FDFT1: variants seen among roughly 807,000 people sequenced by gnomAD.
The protein encoded by FDFT1 is squalene synthase.
In FDFT1, 68 loss-of-function variants were observed where a neutral mutation model predicts 46.8. The observed-to-expected ratio is 1.45, with a 90% CI of 1.19 to 1.78. The LOEUF (loss-of-function observed/expected upper bound fraction) is 1.78, where lower values mean the gene tolerates loss of function less well. FDFT1 is among the 40% of genes most tolerant of loss of function. The pLI, the probability that FDFT1 is intolerant of heterozygous loss-of-function variation, is 0.00. For missense variants in FDFT1, 928 were observed against 524.4 expected, an observed-to-expected ratio of 1.77 and a Z score of -7.52; for synonymous variants, 351 against 185.1, an observed-to-expected ratio of 1.90 and a Z score of -7.28.
intron 3 of FDFT1, among the ~76,000 whole-genome samples, chr8:11,817,348 T>C (rs1015884710): frequency 6.6e-6 from 1 of 152,224 alleles, no homozygotes; most frequent in Non-Finnish European, 1.5e-5. Flanking sequence ...ATTGTTTGTC[T>C]GCCAGGCTTT....
In FDFT1 at chr8:11,836,671, T is replaced by A. The variant is rs1295228132; in HGVS notation, c.1033-1717T>A. Reference sequence around the variant, plus strand: ...GGCTAAGACAAGCAGTAAAGCAACATGGGCAGGCAGAAGGATGACTTCTAA... The same window carrying A: ...GGCTAAGACAAGCAGTAAAGCAACAAGGGCAGGCAGAAGGATGACTTCTAA... On this transcript the variant is annotated intron_variant, in intron 7 of 7. Transcript: ENST00000220584. Among the ~76,000 whole-genome samples the A allele has an allele frequency of 3.3e-5, 5 of 152,238 alleles. No homozygotes were observed. In the East Asian group the frequency reaches 9.6e-4, roughly 29 times the overall value.
rs1282044414 is a variant in FDFT1, at chr8:11,821,523, G to A, written c.382-227G>A. ...GGAGAATCATTTGAACCTGGGAGGC[G>A]GAGTTTGCAGTGAGCTGAGATCGTG... On this transcript the variant is annotated intron_variant, in intron 3 of 7. Coordinates refer to ENST00000220584, the MANE Select transcript of FDFT1 (RefSeq NM_004462.5). Among the ~76,000 whole-genome samples the A allele has an allele frequency of 1.6e-4, 24 of 152,268 alleles. 1 individual carries two copies. Among genetic ancestry groups the A allele is most frequent in the East Asian group, 9.7e-4 (5 of 5,180 alleles).
At position 11,802,928 on chromosome 8, in the gene FDFT1, C is replaced by G. The variant is rs756222133; in HGVS notation, c.96C>G (p.Asp32Glu). ...GGKRKVMPKM[D>E]QDSLSSSLKT... ...AGCGGAAGGTGATGCCCAAGATGGA[C>G]CAGGTGGGCCGAGCCTCCCTGCTTG... The change falls in exon 1 of 8, where the codon GAC becomes GAG. Residue 32 changes from aspartate to glutamate, a missense_variant. By Grantham distance (45) the Asp-to-Glu change is conservative (BLOSUM62 2). Coordinates refer to ENST00000220584, the MANE Select transcript of FDFT1 (RefSeq NM_004462.5). The G allele has an allele frequency of 4.4e-6, 7 of 1,605,140 alleles. No individual in the cohort carries two copies. In the African/African-American group the frequency reaches 9.4e-5, roughly 22 times the overall value.
chr8:11,818,896 T>C lies in FDFT1; in HGVS notation c.382-2854T>C, dbSNP rs557631816. ...TATGTTTGAATTTGATCTGTCATTA[T>C]GATGTTTGCTGGTTATTTTGCCCAT... On this transcript the variant is annotated intron_variant, in intron 3 of 7. Coordinates refer to ENST00000220584, the MANE Select transcript of FDFT1 (RefSeq NM_004462.5). 5.9e-5 allele frequency among the ~76,000 whole-genome samples: 9 copies of C among 152,362 alleles called. No individual in the cohort carries two copies. In the East Asian group the frequency reaches 1.7e-3, roughly 29 times the overall value.
intron 5 of FDFT1, among the ~76,000 whole-genome samples, chr8:11,827,343 G>GA (rs1810139935): frequency 6.6e-6 from 1 of 151,988 alleles, no homozygotes; most frequent in African/African-American, 2.4e-5. Flanking sequence ...AAAGAAAGTA[G>GA]AAAAAATAAA....
At chr8:11,801,851 A>T, upstream of FDFT1, 1 of 415,946 alleles carries the variant, frequency 2.4e-6, no homozygotes, top group Non-Finnish European at 4.7e-6. Flanking sequence ...CCACCACCAC[A>T]CTCGGCTTTT....
At chr8:11,834,145 T>G (rs748521128) in intron 7 of FDFT1, among the ~76,000 whole-genome samples, 2 of 152,214 alleles carry the variant, frequency 1.3e-5, no homozygotes, top group Non-Finnish European at 2.9e-5. Flanking sequence ...CTGGACTTAG[T>G]GTTGTAGCGA....
intron 3 of FDFT1, among the ~76,000 whole-genome samples, chr8:11,814,366 T>TTATGTG (rs1478830143): frequency 1.3e-5 from 2 of 149,426 alleles, no homozygotes; most frequent in African/African-American, 2.5e-5. Flanking sequence ...AAATCCTAAA[T>TTATGTG]TATGTGTATT....
rs1563301228 is a variant in FDFT1, at chr8:11,808,743, C to CACTCCT, written c.100-50_100-45dup. The CACTCCT allele has an allele frequency of 4.9e-6, 6 of 1,234,512 alleles. No homozygotes were observed. In the African/African-American group the frequency reaches 7.0e-5, roughly 14 times the overall value. The allele number at this position is 1,234,512 out of a possible 1,614,324, so 76.5% of individuals were successfully genotyped here. A position where few individuals can be genotyped will look rare whatever the true frequency, so the allele number is the denominator to read the frequency against. ...CCACTCCCACTCCCACTCCCACTCC[C>CACTCCT]ACTCCTGCTCCTCGACGTCTCCCAC... On this transcript the variant is annotated intron_variant, in intron 1 of 7. Coordinates refer to ENST00000220584, the MANE Select transcript of FDFT1 (RefSeq NM_004462.5).
At chr8:11,808,306 C>G (rs1243503599) in intron 1 of FDFT1, 1 of 1,227,032 alleles carries the variant, frequency 8.1e-7, no homozygotes, top group Non-Finnish European at 1.0e-6. Flanking sequence ...CCTTAGCGGC[C>G]AGTGGGTTCT....
chr8:11,810,477 C>G (rs1807555745), intron 3 of FDFT1, among the ~76,000 whole-genome samples: 1 of 152,212 alleles, frequency 6.6e-6, no homozygotes, highest in African/African-American at 2.4e-5. Flanking sequence ...GTGTCTCCGT[C>G]TCCTCGTTTG....
rs200414187 is a variant in FDFT1 at position 11,838,653 on chromosome 8, A to G, written c.*44A>G. 6 of 1,448,776 alleles carry G rather than the reference A, an allele frequency of 4.1e-6. No homozygotes were observed. The highest frequency in any genetic ancestry group is 5.8e-6 in the Non-Finnish European group (6 of 1,029,608). The allele number at this position is 1,448,776 out of a possible 1,614,324, so 89.7% of individuals were successfully genotyped here. ...CTGAAGTCCACCATAAAGTGGATTT[A>G]CTTTTTTTCTTTAAGGATGGATGTT... On this transcript the variant is annotated 3_prime_UTR_variant, in exon 8 of 8. Transcript: ENST00000220584.
chr8:11,826,298 AG>A (rs1809977777), intron 5 of FDFT1, 83 bp downstream of exon 5: 12 of 1,091,872 alleles, frequency 1.1e-5, no homozygotes, highest in Non-Finnish European at 1.4e-5. Flanking sequence ...TGCGGGTGAC[AG>A]AAAAACAAGT....
chr8:11,820,383 C>T (rs191629944), intron 3 of FDFT1, among the ~76,000 whole-genome samples: 1 of 152,220 alleles, frequency 6.6e-6, no homozygotes, highest in South Asian at 2.1e-4. Context: ...CTCTTCAGAG[C>T]TGTCAGGCAG....
At chr8:11,833,252 G>A (rs942658576) in intron 7 of FDFT1, among the ~76,000 whole-genome samples, 1 of 152,186 alleles carries the variant, frequency 6.6e-6, no homozygotes, top group African/African-American at 2.4e-5. Flanking sequence ...TGACCAAGTA[G>A]GTGGGTAGGA....
At chr8:11,810,933 T>TAAAA (rs71539744) in intron 3 of FDFT1, among the ~76,000 whole-genome samples, 48 of 89,416 alleles carry the variant, frequency 5.4e-4, no homozygotes, top group African/African-American at 1.4e-3. Flanking sequence ...GAGCAATATT[T>TAAAA]AAAAAAAAAA....
chr8:11,838,322 G>T, intron 7 of FDFT1, 66 bp from the exon 8 acceptor site: 1 of 1,256,454 alleles, frequency 8.0e-7, no homozygotes, highest in South Asian at 1.2e-5. Flanking sequence ...GTGGAGGGTT[G>T]TTGTAAGTAG....
At position 11,828,778 on chromosome 8, in the gene FDFT1, T is replaced by TG. The variant is rs149022010; in HGVS notation, c.703-1465dup. ...GAATCATGCCAAATGTGGTCCTAGG[T>TG]GATTGGCTTCTTTTGCTAGCATGTT... On this transcript the variant is annotated intron_variant, in intron 5 of 7. Transcript: ENST00000220584. Among the ~76,000 whole-genome samples the TG allele has an allele frequency of 2.5e-3, 377 of 152,364 alleles. 2 individuals carry two copies. Among genetic ancestry groups the TG allele is most frequent in the African/African-American group, 8.8e-3 (364 of 41,586 alleles).
At chr8:11,814,942 A>G (rs1032809481) in intron 3 of FDFT1, among the ~76,000 whole-genome samples, 5 of 152,038 alleles carry the variant, frequency 3.3e-5, no homozygotes, top group African/African-American at 1.2e-4. Context: ...ATAGGTATAC[A>G]TGTGCCATGT....
Sources: allele counts gnomAD v4.1 joint callset (sites outside exome capture counted in the v4.1 genomes callset), GRCh38; gene constraint gnomAD v4.1.1; transcripts MANE v1.5; gene names NCBI Gene and HGNC (gene_info 2026-07-23, HGNC 2026-07-21).